The following CTNNA1 variants were observed in gnomAD, a reference collection of about 807,000 sequenced individuals.
CTNNA1 encodes catenin alpha-1.
CTNNA1 carries 37 observed loss-of-function variants against 98.4 expected under a neutral mutation model. That is an observed-to-expected ratio of 0.38 (90% confidence interval 0.29 to 0.49). The LOEUF (loss-of-function observed/expected upper bound fraction) is 0.49. Among genes scored for constraint, CTNNA1 ranks in the 20% least tolerant of loss-of-function variants. The pLI is 0.95. For missense variants in CTNNA1, 761 were observed against 1,147.2 expected, an observed-to-expected ratio of 0.66 and a Z score of 4.86; for synonymous variants, 404 against 413.2, an observed-to-expected ratio of 0.98 and a Z score of 0.27.
At chr5:138,854,459 C>T (rs900199242) in intron 7 of CTNNA1, among the ~76,000 whole-genome samples, 2 of 152,164 alleles carry the variant, frequency 1.3e-5, no homozygotes, top group East Asian at 3.9e-4. Context: ...TGTGTCTGTA[C>T]ACACACTCTC....
intron 7 of CTNNA1, among the ~76,000 whole-genome samples, chr5:138,829,065 T>C (rs1581184187): frequency 6.6e-6 from 1 of 152,092 alleles, no homozygotes; most frequent in Admixed American, 6.5e-5. Context: ...GTGGCTACAG[T>C]GAACCATGGT....
chr5:138,798,787 CTT>C (rs1307951856), intron 3 of CTNNA1, among the ~76,000 whole-genome samples: 1 of 152,070 alleles, frequency 6.6e-6, no homozygotes, highest in East Asian at 1.9e-4. Flanking sequence ...ATTGAGCTCT[CTT>C]AAGTTTCATC....
chr5:138,755,440 T>A (rs1030753970), intron 1 of CTNNA1, among the ~76,000 whole-genome samples: 1 of 152,120 alleles, frequency 6.6e-6, no homozygotes, highest in Non-Finnish European at 1.5e-5. Context: ...TTTTGACTCA[T>A]CTCAGTTTCT....
intron 7 of CTNNA1, among the ~76,000 whole-genome samples, chr5:138,875,911 G>C (rs952861530): frequency 6.6e-6 from 1 of 152,178 alleles, no homozygotes; most frequent in African/African-American, 2.4e-5. Flanking sequence ...TAAAGGGGGA[G>C]GGGAAGCTTG....
intron 3 of CTNNA1, among the ~76,000 whole-genome samples, chr5:138,789,417 G>A (rs1409528339): frequency 1.3e-5 from 2 of 152,126 alleles, no homozygotes; most frequent in Non-Finnish European, 1.5e-5. Context: ...GGCTGGAGGT[G>A]GGTGCTAGTC....
intron 7 of CTNNA1, among the ~76,000 whole-genome samples, chr5:138,885,387 T>A (rs1208728954): frequency 6.6e-6 from 1 of 152,186 alleles, no homozygotes; most frequent in African/African-American, 2.4e-5. Context: ...GCTTTTAATA[T>A]ACTTTATATA....
intron 7 of CTNNA1, among the ~76,000 whole-genome samples, chr5:138,845,967 C>G (rs1452593457): frequency 6.6e-6 from 1 of 151,878 alleles, no homozygotes; most frequent in African/African-American, 2.4e-5. Context: ...CGCTGTCTGG[C>G]CCAGGCTGGA....
chr5:138,887,697 G>GT (rs1346231519), intron 9 of CTNNA1, 55 bp downstream of exon 9: 1 of 1,454,794 alleles, frequency 6.9e-7, no homozygotes, highest in Non-Finnish European at 9.4e-7. Context: ...AGTGTGGTGA[G>GT]TTTTAATCAC....
intron 7 of CTNNA1, among the ~76,000 whole-genome samples, chr5:138,855,058 A>G (rs1763606358): frequency 2.0e-5 from 3 of 152,340 alleles, no homozygotes; most frequent in African/African-American, 7.2e-5. Context: ...TTTTGTTTTG[A>G]GACGGAGTCT....
intron 3 of CTNNA1, among the ~76,000 whole-genome samples, chr5:138,787,804 T>A (rs1301676408): frequency 6.6e-6 from 1 of 152,236 alleles, no homozygotes; most frequent in Non-Finnish European, 1.5e-5. Context: ...AAATAATGAA[T>A]ATGCACATTT....
At chr5:138,875,428 C>T in intron 7 of CTNNA1, 4 of 985,866 alleles carry the variant, frequency 4.1e-6, no homozygotes, top group Non-Finnish European at 4.8e-6. Flanking sequence ...AGAAGCTTTA[C>T]TGTTATAAAG....
intron 7 of CTNNA1, among the ~76,000 whole-genome samples, chr5:138,845,546 G>A (rs1474072471): frequency 1.3e-5 from 2 of 152,190 alleles, no homozygotes; most frequent in African/African-American, 2.4e-5. Flanking sequence ...GTGTTTACAG[G>A]CTTTGTCTTT....
chr5:138,932,370 A>C, intron 16 of CTNNA1: 1 of 1,402,864 alleles, frequency 7.1e-7, no homozygotes, highest in Non-Finnish European at 9.2e-7. Context: ...TCAGGGTCCC[A>C]TGGACGACTT....
At chr5:138,887,721 T>C in intron 9 of CTNNA1, 79 bp downstream of exon 9, 2 of 1,257,258 alleles carry the variant, frequency 1.6e-6, no homozygotes, top group Non-Finnish European at 2.2e-6. Context: ...ATTTAATCAG[T>C]TAAAATTTGT....
chr5:138,849,942 AC>A (rs1433978269), intron 7 of CTNNA1, among the ~76,000 whole-genome samples: 1 of 152,048 alleles, frequency 6.6e-6, no homozygotes. Context: ...TTCTCTTCTT[AC>A]AGTTTCTTGT....
At chr5:138,840,658 T>TA (rs943598330) in intron 7 of CTNNA1, among the ~76,000 whole-genome samples, 2 of 151,362 alleles carry the variant, frequency 1.3e-5, no homozygotes, top group Non-Finnish European at 2.9e-5. Flanking sequence ...AGAATGCCCA[T>TA]ATGTGACAAA....
chr5:138,858,355 G>A (rs1296865238), intron 7 of CTNNA1, among the ~76,000 whole-genome samples: 1 of 151,966 alleles, frequency 6.6e-6, no homozygotes, highest in Admixed American at 6.6e-5. Flanking sequence ...TTGAACTCCT[G>A]GGCTCGAGTG....
At chr5:138,786,975 A>T (rs1561525518) in intron 3 of CTNNA1, among the ~76,000 whole-genome samples, 1 of 152,240 alleles carries the variant, frequency 6.6e-6, no homozygotes, top group Admixed American at 6.5e-5. Flanking sequence ...AACTTTTCTG[A>T]ATTTTTCTGA....
Position 138,812,209 on chromosome 5 carries a change from G to T in CTNNA1, c.495G>T (p.Arg165Ser), listed in dbSNP as rs1758892317. 1 of 1,613,642 alleles carries T rather than the reference G, an allele frequency of 6.2e-7. No homozygotes were observed. ...TGGAAGATGGTATCTTGAAGTTGAGGAATGCTGGCAATGAACAAGACTTAG... is the reference window on the plus strand; with the variant it reads ...TGGAAGATGGTATCTTGAAGTTGAGTAATGCTGGCAATGAACAAGACTTAG... ...KVVEDGILKL[R>S]NAGNEQDLGI... Residue 165 changes from arginine to serine, a missense_variant, in exon 5 of 18, where the codon AGG (arginine) becomes AGT (serine). Around this residue, in one of 6 missense-constraint regions of CTNNA1, gnomAD observed 328 missense variants for 354.3 expected, o/e 0.93. Transcript: ENST00000302763.
Sources: allele counts gnomAD v4.1 joint callset (sites outside exome capture counted in the v4.1 genomes callset), GRCh38; gene constraint gnomAD v4.1.1; regional missense constraint gnomAD v4.1.1; transcripts MANE v1.5; gene names NCBI Gene and HGNC (gene_info 2026-07-23, HGNC 2026-07-21).